EBF1: variants seen among roughly 807,000 people sequenced by gnomAD.
The protein encoded by EBF1 is transcription factor COE1.
EBF1 carries 10 observed loss-of-function variants against 68.4 expected under a neutral mutation model. The ratio of observed to expected loss-of-function variants is 0.15; its 90% CI spans 0.09 to 0.25. EBF1 has a LOEUF of 0.25. Among genes scored for constraint, EBF1 ranks in the 10% least tolerant of loss-of-function variants. EBF1 has a pLI of 1.00. For missense variants in EBF1, 509 were observed against 794.4 expected (o/e 0.64, Z 4.32); for synonymous variants, 298 against 299.8 (o/e 0.99, Z 0.06).
At chr5:158,786,656 AAGGAAC>A (rs1330379456) in intron 9 of EBF1, among the ~76,000 whole-genome samples, 6 of 152,140 alleles carry the variant, frequency 3.9e-5, no homozygotes, top group Non-Finnish European at 7.3e-5. Flanking sequence ...TTCAGTCAAG[AAGGAAC>A]ATCATTCCCT....
intron 4 of EBF1, among the ~76,000 whole-genome samples, chr5:159,086,088 A>T (rs1276137734): frequency 6.6e-6 from 1 of 152,168 alleles, no homozygotes; most frequent in African/African-American, 2.4e-5. Context: ...AAATTTTTTT[A>T]CTTTGACATA....
chr5:159,022,076 A>AAT (rs55750500), intron 6 of EBF1, among the ~76,000 whole-genome samples: 15 of 150,014 alleles, frequency 1.0e-4, no homozygotes, highest in African/African-American at 3.7e-4. Flanking sequence ...AAAAAAAAAA[A>AAT]GGCAAGAGAA....
intron 10 of EBF1, among the ~76,000 whole-genome samples, chr5:158,762,479 C>A (rs570607579): frequency 7.2e-5 from 11 of 152,268 alleles, no homozygotes; most frequent in Admixed American, 1.3e-4. Flanking sequence ...CTAACACAAG[C>A]CCCAAATAAG....
At chr5:159,021,829 T>G (rs899496221) in intron 6 of EBF1, among the ~76,000 whole-genome samples, 1 of 152,146 alleles carries the variant, frequency 6.6e-6, no homozygotes, top group African/African-American at 2.4e-5. Flanking sequence ...CTTTTAGCAA[T>G]AGCCGTAATA....
chr5:158,968,992 A>G (rs1561658963), intron 6 of EBF1, among the ~76,000 whole-genome samples: 1 of 152,196 alleles, frequency 6.6e-6, no homozygotes. Flanking sequence ...ACCACTGAAA[A>G]TACAAATATC....
intron 11 of EBF1, among the ~76,000 whole-genome samples, chr5:158,725,536 T>C (rs1480087154): frequency 6.6e-6 from 1 of 152,252 alleles, no homozygotes; most frequent in Non-Finnish European, 1.5e-5. Flanking sequence ...TTTTTATTGG[T>C]GCTGTGTTGC....
intron 15 of EBF1, among the ~76,000 whole-genome samples, chr5:158,706,146 T>C (rs1301915028): frequency 6.6e-6 from 1 of 152,108 alleles, no homozygotes; most frequent in African/African-American, 2.4e-5. Flanking sequence ...GGTGGGCATT[T>C]TCTATCATGA....
At chr5:158,932,913 A>G (rs1388527136) in intron 6 of EBF1, among the ~76,000 whole-genome samples, 1 of 152,174 alleles carries the variant, frequency 6.6e-6, no homozygotes, top group Non-Finnish European at 1.5e-5. Context: ...ATTTCTTAGC[A>G]TGGTCCAAGA....
chr5:158,744,326 C>A (rs974255403), intron 10 of EBF1, among the ~76,000 whole-genome samples: 2 of 143,898 alleles, frequency 1.4e-5, no homozygotes, highest in African/African-American at 5.4e-5. Context: ...CAAAACAGGA[C>A]AAATACACGT....
intron 10 of EBF1, among the ~76,000 whole-genome samples, chr5:158,744,605 CTA>C (rs1156283404): frequency 1.3e-5 from 2 of 152,288 alleles, no homozygotes; most frequent in East Asian, 3.9e-4. Context: ...CAGTCTCACT[CTA>C]TAACTCCCAG....
chr5:158,790,479 T>C (rs956771262), intron 9 of EBF1, among the ~76,000 whole-genome samples: 9 of 151,384 alleles, frequency 5.9e-5, no homozygotes, highest in Non-Finnish European at 1.2e-4. Context: ...CCAATATATC[T>C]CCCTGTAAGG....
chr5:158,990,657 C>A (rs1760127196), intron 6 of EBF1, among the ~76,000 whole-genome samples: 1 of 152,190 alleles, frequency 6.6e-6, no homozygotes, highest in South Asian at 2.1e-4. Flanking sequence ...AGCTGTGTGA[C>A]CAAGCAAGTC....
chr5:158,850,491 G>A (rs529964063), intron 6 of EBF1, among the ~76,000 whole-genome samples: 1 of 152,320 alleles, frequency 6.6e-6, no homozygotes, highest in East Asian at 1.9e-4. Flanking sequence ...AGTAGGAACT[G>A]TATGAAAATT....
At chr5:159,024,245 G>C (rs1313132641) in intron 6 of EBF1, among the ~76,000 whole-genome samples, 1 of 152,064 alleles carries the variant, frequency 6.6e-6, no homozygotes, top group Admixed American at 6.5e-5. Context: ...TTCCCTGCTG[G>C]AAGACTCTTC....
chr5:158,720,386 A>T (rs1267106210), intron 11 of EBF1, among the ~76,000 whole-genome samples: 1 of 152,112 alleles, frequency 6.6e-6, no homozygotes, highest in Non-Finnish European at 1.5e-5. Context: ...TTGTCCTGAG[A>T]TGTATTTCTT....
intron 6 of EBF1, among the ~76,000 whole-genome samples, chr5:158,972,381 G>T (rs1755829248): frequency 6.6e-6 from 1 of 152,178 alleles, no homozygotes; most frequent in Admixed American, 6.5e-5. Flanking sequence ...TTGCAATACG[G>T]TTGTCAAAGC....
At chr5:159,086,175 C>T (rs1332266675) in intron 4 of EBF1, among the ~76,000 whole-genome samples, 1 of 152,086 alleles carries the variant, frequency 6.6e-6, no homozygotes, top group African/African-American at 2.4e-5. Flanking sequence ...TACCAGATGA[C>T]TAAAATGTTT....
intron 10 of EBF1, among the ~76,000 whole-genome samples, chr5:158,758,932 T>C (rs1423831999): frequency 6.6e-6 from 1 of 152,186 alleles, no homozygotes; most frequent in African/African-American, 2.4e-5. Context: ...TCCTGAATCA[T>C]CCAGCTTCAT....
At chr5:159,080,924 C>A (rs1370563962) in intron 5 of EBF1, among the ~76,000 whole-genome samples, 1 of 152,170 alleles carries the variant, frequency 6.6e-6, no homozygotes, top group Non-Finnish European at 1.5e-5. Context: ...GACAGTAGTC[C>A]CCCTTATCCA....
Sources: allele counts gnomAD v4.1 joint callset (sites outside exome capture counted in the v4.1 genomes callset), GRCh38; gene constraint gnomAD v4.1.1; transcripts MANE v1.5; gene names NCBI Gene and HGNC (gene_info 2026-07-23, HGNC 2026-07-21).